The following GNAO1 variants were observed in gnomAD, a reference collection of about 807,000 sequenced individuals.
GNAO1 encodes the protein G protein subunit alpha o1.
For missense variants in GNAO1, 166 were observed against 478.7 expected (o/e 0.35, Z 6.10); for synonymous variants, 164 against 180.7 (o/e 0.91, Z 0.74).
At chr16:56,261,223 C>T (rs2036900801) in intron 2 of GNAO1, among the ~76,000 whole-genome samples, 1 of 152,188 alleles carries the variant, frequency 6.6e-6, no homozygotes, top group Non-Finnish European at 1.5e-5. Context: ...CTGAGGAGCC[C>T]CCATTTGGGG....
chr16:56,310,817 C>T (rs2037450228), intron 3 of GNAO1, among the ~76,000 whole-genome samples: 1 of 152,134 alleles, frequency 6.6e-6, no homozygotes, highest in Non-Finnish European at 1.5e-5. Context: ...TAGTCTGGGG[C>T]AGGTGTTCTT....
chr16:56,336,692 G>T (rs1225362972), intron 5 of GNAO1, 39 bp from the exon 6 acceptor site: 1 of 1,576,802 alleles, frequency 6.3e-7, no homozygotes, highest in South Asian at 1.2e-5. Context: ...GCCCTCACCT[G>T]CCTGGACCCT....
At chr16:56,251,980 G>A (rs1353998555) in intron 2 of GNAO1, among the ~76,000 whole-genome samples, 1 of 152,170 alleles carries the variant, frequency 6.6e-6, no homozygotes, top group Non-Finnish European at 1.5e-5. Flanking sequence ...AATCCTCTGA[G>A]GCCCTGGTGC....
chr16:56,348,845 G>C (rs1213411870), intron 6 of GNAO1, among the ~76,000 whole-genome samples: 1 of 152,100 alleles, frequency 6.6e-6, no homozygotes, highest in Admixed American at 6.5e-5. Flanking sequence ...CTCCCTCCAA[G>C]GCCCTCTCCC....
At chr16:56,234,014 A>G (rs1470587490) in intron 2 of GNAO1, among the ~76,000 whole-genome samples, 2 of 152,218 alleles carry the variant, frequency 1.3e-5, no homozygotes, top group African/African-American at 4.8e-5. Flanking sequence ...CTCTACCTTC[A>G]GTAACCTCAT....
intron 2 of GNAO1, among the ~76,000 whole-genome samples, chr16:56,255,274 T>C (rs1202243430): frequency 6.6e-6 from 1 of 152,228 alleles, no homozygotes; most frequent in African/African-American, 2.4e-5. Flanking sequence ...CCAGTTCATT[T>C]TCCCCAGGTC....
At chr16:56,252,533 C>T (rs1461204586) in intron 2 of GNAO1, among the ~76,000 whole-genome samples, 1 of 152,234 alleles carries the variant, frequency 6.6e-6, no homozygotes, top group Non-Finnish European at 1.5e-5. Context: ...GAGTTGATCT[C>T]TCTTGGCCTG....
At chr16:56,224,572 G>A (rs2036518223) in intron 2 of GNAO1, among the ~76,000 whole-genome samples, 1 of 152,192 alleles carries the variant, frequency 6.6e-6, no homozygotes, top group South Asian at 2.1e-4. Flanking sequence ...TGCCTCCCAG[G>A]TTCAAGCAAT....
chr16:56,243,982 C>T (rs1423127118), intron 2 of GNAO1, among the ~76,000 whole-genome samples: 1 of 152,188 alleles, frequency 6.6e-6, no homozygotes, highest in Non-Finnish European at 1.5e-5. Context: ...TTAATATCTC[C>T]TTCTAGTGCA....
At chr16:56,340,856 A>G in intron 6 of GNAO1, 1 of 1,614,054 alleles carries the variant, frequency 6.2e-7, no homozygotes. Flanking sequence ...GAATCCCTGA[A>G]GCTTTTTGAC....
intron 3 of GNAO1, 92 bp from the exon 4 acceptor site, chr16:56,328,539 A>C (rs1349935734): frequency 7.4e-7 from 1 of 1,347,706 alleles, no homozygotes; most frequent in Non-Finnish European, 1.0e-6. Context: ...CTGGGCTCTC[A>C]TCACAGTCCC....
At chr16:56,289,646 T>C (rs2037210743) in intron 3 of GNAO1, among the ~76,000 whole-genome samples, 1 of 152,126 alleles carries the variant, frequency 6.6e-6, no homozygotes, top group Non-Finnish European at 1.5e-5. Flanking sequence ...AGCAGCTTGC[T>C]AGATGAGGAT....
intron 2 of GNAO1, among the ~76,000 whole-genome samples, chr16:56,244,904 A>C (rs1309895940): frequency 6.6e-6 from 1 of 152,178 alleles, no homozygotes; most frequent in East Asian, 1.9e-4. Context: ...CACCTTCTCC[A>C]GTCATGCCTG....
chr16:56,346,462 T>G, intron 6 of GNAO1: 1 of 985,414 alleles, frequency 1.0e-6, no homozygotes, highest in Non-Finnish European at 1.2e-6. Context: ...AAATTGTGCC[T>G]GCCACTTTCA....
chr16:56,248,799 T>TA (rs1272533541), intron 2 of GNAO1, among the ~76,000 whole-genome samples: 1 of 151,804 alleles, frequency 6.6e-6, no homozygotes, highest in Non-Finnish European at 1.5e-5. Flanking sequence ...GTTGGGGAAA[T>TA]ATGAAGTCAA....
intron 6 of GNAO1, chr16:56,347,929 C>G: frequency 1.1e-6 from 1 of 923,576 alleles, no homozygotes. Flanking sequence ...CCTGCCCCTG[C>G]TGAGTATCTT....
At chr16:56,300,505 C>T (rs2037334422) in intron 3 of GNAO1, 1 of 152,198 alleles carries the variant, frequency 6.6e-6, no homozygotes, top group South Asian at 2.1e-4. Flanking sequence ...ATCCTCATAA[C>T]ACCCTGAGAA....
intron 5 of GNAO1, among the ~76,000 whole-genome samples, chr16:56,335,428 G>A (rs12447970): frequency 0.28 from 42,655 of 152,124 alleles, 6,432 homozygotes; most frequent in Non-Finnish European, 0.34. Flanking sequence ...CCAGGGTCCT[G>A]CTGCAGCGCT....
Position 56,343,945 on chromosome 16 carries a change from T to C in GNAO1, c.723+7085T>C. 6.2e-7 allele frequency: 1 copy of C among 1,613,482 alleles called. No individual in the cohort carries two copies. Among genetic ancestry groups the C allele is most frequent in the Non-Finnish European group, 8.5e-7 (1 of 1,179,906 alleles). ...CAAAAACCTGCGGGGCTGTGGACTC[T>C]ACTGAGCCCAGCCGCCCTGCCCGGC... On this transcript the variant is annotated intron_variant, in intron 6 of 8. Transcript: ENST00000262493.
Sources: gnomAD v4.1 joint callset for allele counts (sites outside exome capture counted in the v4.1 genomes callset) on GRCh38, gnomAD v4.1.1 for gene constraint, MANE v1.5 for transcripts, NCBI Gene and HGNC (gene_info 2026-07-23, HGNC 2026-07-21) for gene names.